Variants in PCDHGB4 observed in about 807,000 individuals in gnomAD.
The protein encoded by PCDHGB4 is protocadherin gamma subfamily B, 4.
Under a neutral mutation model 60.5 loss-of-function variants are expected in PCDHGB4, and 38 were observed. The ratio of observed to expected loss-of-function variants is 0.63; its 90% CI spans 0.48 to 0.82. The LOEUF (loss-of-function observed/expected upper bound fraction) is 0.82, where lower values mean the gene tolerates loss of function less well. PCDHGB4 is among the 40% of genes least tolerant of loss of function. The pLI, the probability that PCDHGB4 is intolerant of heterozygous loss-of-function variation, is 0.00. For missense variants in PCDHGB4, 1,109 were observed against 1,209.6 expected (o/e 0.92, Z 1.23); for synonymous variants, 456 against 509.7 (o/e 0.89, Z 1.42).
At chr5:141,412,903 G>C (rs2095586511) in intron 1 of PCDHGB4, 1 of 376,030 alleles carries the variant, frequency 2.7e-6, no homozygotes, top group African/African-American at 2.1e-5. Context: ...ACTTTCCATT[G>C]CATGTATCAC....
Position 141,415,142 on chromosome 5 carries a change from C to A in PCDHGB4, c.2397+24861C>A, listed in dbSNP as rs757516335. On this transcript the variant is annotated intron_variant, in intron 1 of 3. Coordinates refer to ENST00000519479, the MANE Select transcript of PCDHGB4 (RefSeq NM_003736.4). The stretch of plus-strand genomic sequence containing the variant: ...GTGGCCGTCCAGGACCACGGCCAGC[C>A]CCCTCTCTCCGCCACTGTCACGCTC... 10 of 1,613,732 alleles carry A rather than the reference C, an allele frequency of 6.2e-6. 1 individual carries two copies. In the South Asian group the frequency reaches 1.1e-4, roughly 18 times the overall value.
chr5:141,484,883 G>GCC (rs1231530221), intron 1 of PCDHGB4: 2 of 352,506 alleles, frequency 5.7e-6, no homozygotes, highest in Admixed American at 9.0e-5. Flanking sequence ...GATAGGGTGG[G>GCC]CTTTTTCCCC....
chr5:141,410,623 G>T, intron 1 of PCDHGB4: 2 of 1,603,052 alleles, frequency 1.2e-6, no homozygotes, highest in Non-Finnish European at 1.7e-6. Context: ...TGACTTCGGT[G>T]AGTTTCTCTT....
intron 1 of PCDHGB4, chr5:141,396,148 A>G (rs1589277067): frequency 6.6e-6 from 1 of 152,328 alleles, no homozygotes; most frequent in South Asian, 2.1e-4. Context: ...AAGCTGATCA[A>G]TTCAATTAAA....
At position 141,431,317 on chromosome 5, in the gene PCDHGB4, C is replaced by T. The variant is rs778667104; in HGVS notation, c.2397+41036C>T. ...TCTCCCTCATCGTGCAAAATGGAGC[C>T]GACGGTAGTAAGTACCCCGAATTGG... On this transcript the variant is annotated intron_variant, in intron 1 of 3. Coordinates refer to ENST00000519479, the MANE Select transcript of PCDHGB4 (RefSeq NM_003736.4). This position sits in a 1 kb window ranked among gnomAD's most constrained non-coding sequence, Gnocchi z 4.8. The T allele has an allele frequency of 6.2e-6, 10 of 1,613,964 alleles. No homozygotes were observed. The highest frequency in any genetic ancestry group is 7.6e-6 in the Non-Finnish European group (9 of 1,180,046).
chr5:141,421,541 T>A (rs1235004908), intron 1 of PCDHGB4: 9 of 1,613,912 alleles, frequency 5.6e-6, no homozygotes, highest in African/African-American at 1.3e-5. Flanking sequence ...TCCTGTTTTT[T>A]AAATATGGAA....
At position 141,493,157 on chromosome 5, in the gene PCDHGB4, T is replaced by C. The variant is rs1261889479; in HGVS notation, c.2398-1650T>C. ...TTGAAACACCCCCAGGTGATTTTGATAGCTGATTGAGAGAAACTTACTATA... is the reference window on the plus strand; with the variant it reads ...TTGAAACACCCCCAGGTGATTTTGACAGCTGATTGAGAGAAACTTACTATA... On this transcript the variant is annotated intron_variant, in intron 1 of 3. Coordinates refer to ENST00000519479, the MANE Select transcript of PCDHGB4 (RefSeq NM_003736.4). This position sits in a 1 kb window ranked among gnomAD's most constrained non-coding sequence, Gnocchi z 4.3. 2.0e-5 allele frequency among the ~76,000 whole-genome samples: 3 copies of C among 152,224 alleles called. No individual in the cohort carries two copies. Among genetic ancestry groups the C allele is most frequent in the Admixed American group, 6.5e-5 (1 of 15,286 alleles).
intron 1 of PCDHGB4, chr5:141,478,480 G>T: frequency 2.5e-6 from 4 of 1,613,564 alleles, no homozygotes; most frequent in Non-Finnish European, 3.4e-6. Flanking sequence ...GCCAGAACAC[G>T]CTGCGGAGCT....
intron 1 of PCDHGB4, among the ~76,000 whole-genome samples, chr5:141,472,980 C>CAAAAAAAAAAAAAAAAAGAAAAAA (rs2099309731): frequency 2.3e-5 from 2 of 86,106 alleles, no homozygotes; most frequent in Non-Finnish European, 5.0e-5. Flanking sequence ...GAGTGAAACT[C>CAAAAAAAAAAAAAAAAAGAAAAAA]AAAAAAAAAA....
chr5:141,433,245 A>C, intron 1 of PCDHGB4: 3 of 1,459,776 alleles, frequency 2.1e-6, no homozygotes, highest in Non-Finnish European at 2.8e-6. Context: ...CCAAGCTGGA[A>C]TGCAGCGGTA....
chr5:141,492,206 G>A (rs1180294159), intron 1 of PCDHGB4, among the ~76,000 whole-genome samples: 2 of 152,204 alleles, frequency 1.3e-5, no homozygotes, highest in Non-Finnish European at 2.9e-5. Context: ...TTAGGTGTGC[G>A]CGCGGGGCTC....
intron 1 of PCDHGB4, among the ~76,000 whole-genome samples, chr5:141,470,181 A>G (rs974401154): frequency 3.9e-5 from 6 of 152,236 alleles, no homozygotes; most frequent in African/African-American, 9.6e-5. Flanking sequence ...AAAATATTCA[A>G]GTAAACTTCA....
At position 141,478,749 on chromosome 5, in the gene PCDHGB4, G is replaced by A. The variant is rs1306895064; in HGVS notation, c.2398-16058G>A. On this transcript the variant is annotated intron_variant, in intron 1 of 3. Coordinates refer to ENST00000519479, the MANE Select transcript of PCDHGB4 (RefSeq NM_003736.4). ...GAGTGTGGTTTGTGGTCCCATTTCA[G>A]GGGGAAGATACTTGACTCATCTGTG... The A allele has an allele frequency of 3.3e-6, 5 of 1,524,326 alleles. No homozygotes were observed. The South Asian group carries it at 6.4e-5, about 19-fold the overall frequency. The allele number at this position is 1,524,326 out of a possible 1,614,324, so 94.4% of individuals were successfully genotyped here.
rs1442570663 is a variant in PCDHGB4, at chr5:141,438,613, TATATATATATATATATATATATACACAC to T, written c.2397+48334_2397+48361del. On this transcript the variant is annotated intron_variant, in intron 1 of 3. Transcript: ENST00000519479. Reference sequence around the variant, plus strand: ...ATACATATATATATATATATATATATATATATATATATATATATATATACACACACACACACACATATATGTATATATA... The same window carrying T: ...ATACATATATATATATATATATATATACACACACACATATATGTATATATA... Among the ~76,000 whole-genome samples, 243 of 36,492 alleles carry T rather than the reference TATATATATATATATATATATATACACAC, an allele frequency of 6.7e-3. 7 individuals are homozygous for T. The highest frequency in any genetic ancestry group is 0.033 in the East Asian group (37 of 1,124). The allele number at this position is 36,492 out of a possible 152,430, so 23.9% of individuals were successfully genotyped here.
chr5:141,425,742 A>T (rs1315830227), intron 1 of PCDHGB4, among the ~76,000 whole-genome samples: 1 of 152,246 alleles, frequency 6.6e-6, no homozygotes, highest in Non-Finnish European at 1.5e-5. Flanking sequence ...GTTTTCCCAC[A>T]AGGTTTTTGT....
chr5:141,437,156 G>T (rs2097864365), intron 1 of PCDHGB4, among the ~76,000 whole-genome samples: 1 of 152,172 alleles, frequency 6.6e-6, no homozygotes, highest in African/African-American at 2.4e-5. Context: ...TAACATATGT[G>T]TTGATTGTTT....
chr5:141,444,710 T>A (rs2098445001), intron 1 of PCDHGB4, among the ~76,000 whole-genome samples: 1 of 152,236 alleles, frequency 6.6e-6, no homozygotes, highest in Admixed American at 6.5e-5. Flanking sequence ...TTCTGTTGAA[T>A]TTGCTTGGTG....
chr5:141,422,253 T>C (rs917280432), intron 1 of PCDHGB4: 58 of 1,566,438 alleles, frequency 3.7e-5, no homozygotes, highest in Non-Finnish European at 5.0e-5. Context: ...TGGATGTGAA[T>C]GATAACGCTC....
At chr5:141,421,619 C>T (rs778666303) in intron 1 of PCDHGB4, 2 of 1,613,694 alleles carry the variant, frequency 1.2e-6, no homozygotes, top group South Asian at 1.1e-5. Flanking sequence ...AATGATAACG[C>T]CCCCAGCTTC....
Sources: gnomAD v4.1 joint callset for allele counts (sites outside exome capture counted in the v4.1 genomes callset) on GRCh38, gnomAD v4.1.1 for gene constraint, Gnocchi (gnomAD v3.1) non-coding constraint, MANE v1.5 for transcripts, NCBI Gene and HGNC (gene_info 2026-07-23, HGNC 2026-07-21) for gene names.